The following MYT1L variants were observed in gnomAD, a reference collection of about 807,000 sequenced individuals.
MYT1L encodes the protein myelin transcription factor 1 like.
In MYT1L, 12 loss-of-function variants were observed where a neutral mutation model predicts 126.7. The observed-to-expected ratio is 0.09, with a 90% confidence interval of 0.06 to 0.15. The LOEUF is 0.15. MYT1L is among the 10% of genes least tolerant of loss of function. The pLI is 1.00. For missense variants in MYT1L, 979 were observed against 1,585.2 expected (o/e 0.62, Z 6.49); for synonymous variants, 541 against 604.2 (o/e 0.90, Z 1.53).
intron 3 of MYT1L, among the ~76,000 whole-genome samples, chr2:2,099,344 G>GTT (rs3047991): frequency 0.011 from 1,618 of 144,476 alleles, 10 homozygotes; most frequent in African/African-American, 0.022. Flanking sequence ...AATGTCATTT[G>GTT]TTTTTTTTTT....
Position 1,791,100 on chromosome 2 carries a change from A to C in MYT1L, c.*767T>G, listed in dbSNP as rs2032003557. 2.4e-6 allele frequency: 1 copy of C among 417,452 alleles called. No homozygotes were observed. Among genetic ancestry groups the C allele is most frequent in the Non-Finnish European group, 4.9e-6 (1 of 206,124 alleles). 25.9% of individuals were successfully genotyped at this position (417,452 alleles called of 1,614,324 possible). A position where few individuals can be genotyped will look rare whatever the true frequency, so the allele number is the denominator to read the frequency against. ...ACAACCATGTAACGCTTAGGAGTTA[A>C]TTTAAAAGTGCTGTTTAAGCTGCTT... On this transcript the variant is annotated 3_prime_UTR_variant, in exon 25 of 25. Coordinates refer to ENST00000647738, the MANE Select transcript of MYT1L (RefSeq NM_001303052.2). This position sits in a 1 kb window ranked among gnomAD's most constrained non-coding sequence, Gnocchi z 6.0.
rs1203344701 is a variant in MYT1L at position 1,894,112 on chromosome 2, T to A, written c.2033-1825A>T. On this transcript the variant is annotated intron_variant, in intron 14 of 24. Coordinates refer to ENST00000647738, the MANE Select transcript of MYT1L (RefSeq NM_001303052.2). ...AATCTGTTGATATTATGACTGTGTT[T>A]TGCTAATCTGAATGAGCAAAGCCAC... Among the ~76,000 whole-genome samples the A allele has an allele frequency of 3.9e-5, 6 of 152,360 alleles. No homozygotes were observed. The East Asian group carries it at 1.2e-3, about 29-fold the overall frequency.
chr2:1,817,737 A>G (rs1036657900), intron 21 of MYT1L, among the ~76,000 whole-genome samples: 3 of 152,160 alleles, frequency 2.0e-5, no homozygotes, highest in Non-Finnish European at 2.9e-5. Context: ...GGCTCTCGGG[A>G]AAGTCCACAC....
chr2:1,863,953 C>T (rs1326189848), intron 18 of MYT1L, among the ~76,000 whole-genome samples: 2 of 152,194 alleles, frequency 1.3e-5, no homozygotes, highest in African/African-American at 4.8e-5. Context: ...TGGTGGAGCT[C>T]ACCCTCAGGA....
chr2:2,255,924 T>G (rs73913286), intron 2 of MYT1L, among the ~76,000 whole-genome samples: 2,452 of 152,270 alleles, frequency 0.016, 63 homozygotes, highest in African/African-American at 0.056. Flanking sequence ...CTTTACTGAG[T>G]CTGAATTAAT....
At position 1,888,499 on chromosome 2, in the gene MYT1L, G is replaced by C. The variant is rs141788861; in HGVS notation, c.2520+742C>G. Reference sequence around the variant, plus strand: ...CTTTTTTTTCCATTTCCTTGTTTCTGTAAGACACTAGTGCTTCGATGGTGG... The same window carrying C: ...CTTTTTTTTCCATTTCCTTGTTTCTCTAAGACACTAGTGCTTCGATGGTGG... On this transcript the variant is annotated intron_variant, in intron 16 of 24. Transcript: ENST00000647738. Among the ~76,000 whole-genome samples, 243 of 152,140 alleles carry C rather than the reference G, an allele frequency of 1.6e-3. 1 individual carries two copies. Among genetic ancestry groups the C allele is most frequent in the African/African-American group, 5.6e-3 (233 of 41,500 alleles).
chr2:2,002,376 T>C (rs1466865218), intron 4 of MYT1L, among the ~76,000 whole-genome samples: 9 of 152,222 alleles, frequency 5.9e-5, no homozygotes, highest in Non-Finnish European at 1.5e-5. Flanking sequence ...ATGATACCAG[T>C]TGTAAAGTAC....
At chr2:1,957,555 C>T (rs1208152666) in intron 8 of MYT1L, among the ~76,000 whole-genome samples, 1 of 152,122 alleles carries the variant, frequency 6.6e-6, no homozygotes, top group African/African-American at 2.4e-5. Context: ...ATCATCTCTC[C>T]CTCTCCCCAT....
chr2:2,142,938 C>T (rs1013127071), intron 3 of MYT1L, among the ~76,000 whole-genome samples: 8 of 151,554 alleles, frequency 5.3e-5, no homozygotes, highest in East Asian at 2.0e-4. Context: ...CTGCCTGCCT[C>T]GGCCTCCCAA....
intron 3 of MYT1L, among the ~76,000 whole-genome samples, chr2:2,131,905 CTTTTT>C (rs58810405): frequency 1.8e-5 from 2 of 111,096 alleles, no homozygotes; most frequent in African/African-American, 7.3e-5. Context: ...AGAGTTCATC[CTTTTT>C]TTTTTTTTTT....
At chr2:2,004,816 ATTCTTTCCTGCATGTG>A (rs1160589393) in intron 4 of MYT1L, among the ~76,000 whole-genome samples, 30 of 111,778 alleles carry the variant, frequency 2.7e-4, no homozygotes, top group African/African-American at 9.1e-4. Flanking sequence ...TCCTGCAGGC[ATTCTTTCCTGCATGTG>A]TTCTTTCCTG....
chr2:1,839,013 T>A (rs2041271550), intron 21 of MYT1L, 136 bp downstream of exon 21: 1 of 783,374 alleles, frequency 1.3e-6, no homozygotes, highest in East Asian at 2.7e-5. Flanking sequence ...GTTAGGTTGG[T>A]ACGATAGTTT....
At chr2:1,875,242 T>C (rs62114752) in intron 18 of MYT1L, among the ~76,000 whole-genome samples, 10,413 of 152,116 alleles carry the variant, frequency 0.068, 662 homozygotes, top group Admixed American at 0.21. Context: ...AGTGACATCC[T>C]GAGGCGGGAA....
intron 18 of MYT1L, among the ~76,000 whole-genome samples, chr2:1,866,249 C>A (rs2045447876): frequency 6.6e-6 from 1 of 152,120 alleles, no homozygotes; most frequent in African/African-American, 2.4e-5. Flanking sequence ...GAGGTCAGAG[C>A]TAGGCAGAGT....
intron 4 of MYT1L, among the ~76,000 whole-genome samples, chr2:2,039,525 C>G (rs1273136923): frequency 6.6e-6 from 1 of 152,110 alleles, no homozygotes. Flanking sequence ...TTACCATTTG[C>G]AGGAATGTTC....
At chr2:2,078,836 GTATTT>G (rs1408107398) in intron 3 of MYT1L, among the ~76,000 whole-genome samples, 1 of 152,176 alleles carries the variant, frequency 6.6e-6, no homozygotes, top group Non-Finnish European at 1.5e-5. Flanking sequence ...ATAATCAATT[GTATTT>G]TGCATATGAA....
At chr2:1,834,238 G>A (rs1487409272) in intron 21 of MYT1L, among the ~76,000 whole-genome samples, 3 of 152,324 alleles carry the variant, frequency 2.0e-5, no homozygotes, top group African/African-American at 4.8e-5. Context: ...ACGTGCCCGC[G>A]GGGGCTTTGT....
rs11389323 is a variant in MYT1L, at chr2:2,001,237, CT to C, written c.-157-3891del. Among the ~76,000 whole-genome samples, 322 of 103,838 alleles carry C rather than the reference CT, an allele frequency of 3.1e-3. 2 individuals carry two copies. Among genetic ancestry groups the C allele is most frequent in the Middle Eastern group, 0.024 (4 of 170 alleles). 68.1% of individuals were successfully genotyped at this position (103,838 alleles called of 152,430 possible). ...TAAATTTATCTTCCATTGGTTTTAG[CT>C]TTTTTTTTTTTTTTGCTTTTTTTTT... On this transcript the variant is annotated intron_variant, in intron 4 of 24. Coordinates refer to ENST00000647738, the MANE Select transcript of MYT1L (RefSeq NM_001303052.2).
intron 8 of MYT1L, among the ~76,000 whole-genome samples, chr2:1,947,863 G>C (rs544646578): frequency 3.9e-4 from 59 of 152,366 alleles, no homozygotes; most frequent in South Asian, 2.9e-3. Flanking sequence ...ATCAAGCAGG[G>C]TTTGGTTTAA....
Sources: gnomAD v4.1 joint callset for allele counts (sites outside exome capture counted in the v4.1 genomes callset) on GRCh38, gnomAD v4.1.1 for gene constraint, Gnocchi (gnomAD v3.1) non-coding constraint, MANE v1.5 for transcripts, NCBI Gene and HGNC (gene_info 2026-07-23, HGNC 2026-07-21) for gene names.